The following CPT1A variants were observed in gnomAD, a reference collection of about 807,000 sequenced individuals.
CPT1A encodes carnitine O-palmitoyltransferase 1, liver isoform.
In CPT1A, 64 loss-of-function variants were observed where a neutral mutation model predicts 100.8. That is an observed-to-expected ratio of 0.63 (90% CI 0.52 to 0.78). The LOEUF (loss-of-function observed/expected upper bound fraction) is 0.78. Among genes scored for constraint, CPT1A ranks in the 30% least tolerant of loss-of-function variants. CPT1A has a pLI of 0.00. For synonymous variants in CPT1A, 363 were observed against 396.0 expected (o/e 0.92, Z 0.99); for missense variants, 802 against 1,034.1 (o/e 0.78, Z 3.08).
intron 1 of CPT1A, among the ~76,000 whole-genome samples, chr11:68,820,092 C>T (rs1856538528): frequency 2.0e-5 from 3 of 152,132 alleles, no homozygotes; most frequent in Admixed American, 1.3e-4. Flanking sequence ...TGCAGTGGCA[C>T]GATCATGGCT....
chr11:68,811,312 C>T (rs75082086), intron 3 of CPT1A, among the ~76,000 whole-genome samples: 1 of 152,096 alleles, frequency 6.6e-6, no homozygotes, highest in East Asian at 1.9e-4. Flanking sequence ...GGCAAAAATG[C>T]CATTGGTGTA....
chr11:68,795,569 AAAGTT>A (rs1422512344), intron 7 of CPT1A, among the ~76,000 whole-genome samples: 2 of 152,308 alleles, frequency 1.3e-5, no homozygotes, highest in African/African-American at 2.4e-5. Context: ...TGGGAAAAAA[AAAGTT>A]AAGAGAAAAA....
At chr11:68,828,007 T>C (rs1478405875) in intron 1 of CPT1A, among the ~76,000 whole-genome samples, 3 of 152,174 alleles carry the variant, frequency 2.0e-5, no homozygotes, top group Non-Finnish European at 4.4e-5. Flanking sequence ...AAGCAGACAG[T>C]GGCCTTGTCC....
intron 2 of CPT1A, among the ~76,000 whole-genome samples, chr11:68,813,697 A>AG (rs1856290725): frequency 8.7e-5 from 1 of 11,502 alleles, no homozygotes; most frequent in Non-Finnish European, 9.4e-4. Flanking sequence ...ACCCTGTCTC[A>AG]AAAAAAAAAA....
chr11:68,768,066 CTTTT>C (rs71043448), intron 14 of CPT1A, among the ~76,000 whole-genome samples: 67 of 71,242 alleles, frequency 9.4e-4, no homozygotes, highest in African/African-American at 2.3e-3. Context: ...AGTTTCCAGT[CTTTT>C]TTTTTTTTTT....
intron 1 of CPT1A, among the ~76,000 whole-genome samples, chr11:68,824,432 C>G (rs1856669179): frequency 6.6e-6 from 1 of 151,978 alleles, no homozygotes; most frequent in South Asian, 2.1e-4. Flanking sequence ...TGCAAAATGC[C>G]TGTGTAACAA....
chr11:68,773,034 T>C (rs1855034656), intron 14 of CPT1A, among the ~76,000 whole-genome samples: 1 of 152,142 alleles, frequency 6.6e-6, no homozygotes, highest in African/African-American at 2.4e-5. Flanking sequence ...AGACTCTCCC[T>C]CTCCCGTGTC....
chr11:68,796,969 C>T (rs1855770734), intron 6 of CPT1A, 36 bp from the exon 7 acceptor site: 1 of 1,605,550 alleles, frequency 6.2e-7, no homozygotes, highest in Non-Finnish European at 8.5e-7. Context: ...CCCGCAGGCT[C>T]AGCAGGGGCC....
intron 4 of CPT1A, 86 bp from the exon 5 acceptor site, chr11:68,804,187 G>T: frequency 1.0e-6 from 1 of 981,540 alleles, no homozygotes; most frequent in Non-Finnish European, 1.6e-6. Flanking sequence ...AGCTAAGCAG[G>T]GTCAGTCCTG....
At chr11:68,785,563 G>GA (rs377721687) in intron 9 of CPT1A, among the ~76,000 whole-genome samples, 5,890 of 50,926 alleles carry the variant, frequency 0.12, 345 homozygotes, top group Non-Finnish European at 0.14. Flanking sequence ...TCCATCTCAG[G>GA]AAAAAAAAAA....
rs1264678549 is a variant in CPT1A at position 68,806,140 on chromosome 11, C to A, written c.453+1327G>T. On this transcript the variant is annotated intron_variant, in intron 4 of 18. Transcript: ENST00000265641. ...AAGCATTCCTCCCACCTCAGCCTCTCAAGTAGCTAGGATTACAGGCATGCA... is the reference window on the plus strand; with the variant it reads ...AAGCATTCCTCCCACCTCAGCCTCTAAAGTAGCTAGGATTACAGGCATGCA... Among the ~76,000 whole-genome samples, 2 of 151,936 alleles carry A rather than the reference C, an allele frequency of 1.3e-5. 1 individual carries two copies. Among genetic ancestry groups the A allele is most frequent in the East Asian group, 3.9e-4 (2 of 5,148 alleles).
intron 1 of CPT1A, among the ~76,000 whole-genome samples, chr11:68,837,536 C>A (rs1857038983): frequency 6.6e-6 from 1 of 152,138 alleles, no homozygotes; most frequent in Non-Finnish European, 1.5e-5. Context: ...ATGTCCTCAG[C>A]CACAGTAGCA....
At chr11:68,814,363 G>A (rs1218717608) in intron 2 of CPT1A, among the ~76,000 whole-genome samples, 2 of 152,050 alleles carry the variant, frequency 1.3e-5, no homozygotes, top group Admixed American at 6.5e-5. Flanking sequence ...CTGGAGTGCA[G>A]TGGCGCGATC....
intron 1 of CPT1A, among the ~76,000 whole-genome samples, chr11:68,825,650 C>T (rs996005892): frequency 1.3e-5 from 2 of 152,112 alleles, no homozygotes; most frequent in African/African-American, 2.4e-5. Flanking sequence ...GGGCCTCCCC[C>T]CAGTGCCCGC....
chr11:68,771,339 C>T (rs753832086), intron 14 of CPT1A, among the ~76,000 whole-genome samples: 35 of 152,176 alleles, frequency 2.3e-4, no homozygotes, highest in Admixed American at 5.2e-4. Context: ...GCAGGGAATT[C>T]TTTTAAAAAA....
chr11:68,802,195 T>C (rs1855919627), intron 5 of CPT1A, among the ~76,000 whole-genome samples: 2 of 152,078 alleles, frequency 1.3e-5, no homozygotes, highest in African/African-American at 4.8e-5. Context: ...GAGACAGCAG[T>C]GAGGGCTGCG....
chr11:68,804,278 AT>A (rs1337886936), intron 4 of CPT1A, among the ~76,000 whole-genome samples, 177 bp from the exon 5 acceptor site: 1 of 152,204 alleles, frequency 6.6e-6, no homozygotes, highest in Non-Finnish European at 1.5e-5. Context: ...CGTGCGCACA[AT>A]GTGCCAACCA....
intron 1 of CPT1A, among the ~76,000 whole-genome samples, chr11:68,833,390 T>C (rs1019747251): frequency 6.6e-6 from 1 of 152,264 alleles, no homozygotes; most frequent in African/African-American, 2.4e-5. Context: ...CGTTATTCAA[T>C]TGCAGATATG....
upstream of CPT1A, among the ~76,000 whole-genome samples, chr11:68,843,630 C>A (rs1857199469): frequency 6.6e-6 from 1 of 152,206 alleles, no homozygotes; most frequent in East Asian, 1.9e-4. This position sits in a 1 kb window ranked among gnomAD's most constrained non-coding sequence, Gnocchi z 4.0. Flanking sequence ...AGGGAAGAAT[C>A]TCTCATCTCT....
Sources: allele counts gnomAD v4.1 joint callset (sites outside exome capture counted in the v4.1 genomes callset), GRCh38; gene constraint gnomAD v4.1.1; non-coding constraint Gnocchi (gnomAD v3.1); transcripts MANE v1.5; gene names NCBI Gene and HGNC (gene_info 2026-07-23, HGNC 2026-07-21).